Variants in SLC25A21 observed in about 807,000 individuals in gnomAD.
SLC25A21 encodes the protein solute carrier family 25 member 21.
SLC25A21 carries 47 observed loss-of-function variants against 43.8 expected under a neutral mutation model. The ratio of observed to expected loss-of-function variants is 1.07; its 90% confidence interval spans 0.85 to 1.37. SLC25A21 has a LOEUF of 1.37. Among genes scored for constraint, SLC25A21 ranks in the 40% most tolerant of loss-of-function variants. The probability of loss-of-function intolerance (pLI) is 0.00; values close to 1 mark genes in which losing one functional copy is unlikely to be tolerated. For missense variants in SLC25A21, 352 were observed against 350.2 expected (o/e 1.00, Z -0.04); for synonymous variants, 131 against 121.3 (o/e 1.08, Z -0.52).
intron 3 of SLC25A21, among the ~76,000 whole-genome samples, chr14:36,780,220 C>T (rs573197310): frequency 1.4e-4 from 21 of 151,836 alleles, no homozygotes; most frequent in African/African-American, 5.1e-4. Flanking sequence ...TTTGAGTCAT[C>T]TCTTATTTTT....
intron 1 of SLC25A21, among the ~76,000 whole-genome samples, chr14:36,999,835 T>C (rs1437071406): frequency 1.3e-5 from 2 of 152,136 alleles, no homozygotes; most frequent in Non-Finnish European, 2.9e-5. Flanking sequence ...GAGTGAGCCA[T>C]TATTTACAAT....
At chr14:36,739,157 C>A (rs968002348) in intron 3 of SLC25A21, among the ~76,000 whole-genome samples, 1 of 152,108 alleles carries the variant, frequency 6.6e-6, no homozygotes, top group Admixed American at 6.5e-5. Flanking sequence ...TAGAAGGAAG[C>A]AGGAAAGGCC....
At chr14:36,716,941 T>C (rs1204470400) in intron 6 of SLC25A21, among the ~76,000 whole-genome samples, 1 of 152,228 alleles carries the variant, frequency 6.6e-6, no homozygotes, top group Non-Finnish European at 1.5e-5. Context: ...GTGAACGGGT[T>C]GCATTTGAAA....
intron 1 of SLC25A21, among the ~76,000 whole-genome samples, chr14:37,005,909 G>A (rs190653157): frequency 1.8e-4 from 28 of 152,146 alleles, no homozygotes; most frequent in Admixed American, 1.6e-3. Flanking sequence ...ATCCATTTGG[G>A]TAAATAACAA....
intron 7 of SLC25A21, among the ~76,000 whole-genome samples, chr14:36,708,790 C>T (rs1407152845): frequency 2.3e-5 from 3 of 131,806 alleles, no homozygotes; most frequent in South Asian, 2.4e-4. Context: ...TCACTATGTT[C>T]CCCAGGCCTG....
chr14:36,771,765 A>C (rs1886628743), intron 3 of SLC25A21, among the ~76,000 whole-genome samples: 2 of 152,126 alleles, frequency 1.3e-5, no homozygotes, highest in Non-Finnish European at 2.9e-5. Context: ...AAAAAAAAAA[A>C]AACTACTGTC....
rs1218736980 is a variant in SLC25A21, at chr14:37,172,461, G to T, written c.-111C>A. On this transcript the variant is annotated 5_prime_UTR_variant, in exon 1 of 10. Transcript: ENST00000331299. The stretch of plus-strand genomic sequence containing the variant: ...GGCTGGGCTGGTCCTCAAGCGCGTT[G>T]GCTCCCTGTGGAGCAGCAATCCGGC... 1 of 1,095,870 alleles carries T rather than the reference G, an allele frequency of 9.1e-7. No individual in the cohort carries two copies. The highest frequency in any genetic ancestry group is 2.6e-5 in the East Asian group (1 of 38,870). The allele number at this position is 1,095,870 out of a possible 1,614,324, so 67.9% of individuals were successfully genotyped here.
chr14:36,719,825 T>A (rs1468644468), intron 6 of SLC25A21, among the ~76,000 whole-genome samples: 2 of 152,204 alleles, frequency 1.3e-5, no homozygotes, highest in African/African-American at 4.8e-5. Context: ...ATTTTGTGGG[T>A]AACATACTTC....
intron 2 of SLC25A21, among the ~76,000 whole-genome samples, chr14:36,872,398 G>A (rs748194507): frequency 6.6e-6 from 1 of 151,824 alleles, no homozygotes. Flanking sequence ...CTATTCCCTG[G>A]GTATGAATTT....
chr14:36,938,652 T>A (rs1892484530), intron 1 of SLC25A21, among the ~76,000 whole-genome samples: 1 of 152,044 alleles, frequency 6.6e-6, no homozygotes. Flanking sequence ...AATCTGATCA[T>A]CATGTTCACA....
At position 37,172,534 on chromosome 14, in the gene SLC25A21, C is replaced by T. The variant is rs1307281385; in HGVS notation, c.-184G>A. On this transcript the variant is annotated 5_prime_UTR_variant, in exon 1 of 10. Coordinates refer to ENST00000331299, the MANE Select transcript of SLC25A21 (RefSeq NM_030631.4). Reference sequence around the variant, plus strand: ...GAGGCGCAGATTCGTCGCGCGATCTCCGGCGCGTCGGAACCTGTTCGCAGC... The same window carrying T: ...GAGGCGCAGATTCGTCGCGCGATCTTCGGCGCGTCGGAACCTGTTCGCAGC... 3.1e-5 allele frequency: 23 copies of T among 739,244 alleles called. No homozygotes were observed. The highest frequency in any genetic ancestry group is 4.3e-5 in the Non-Finnish European group (18 of 414,202). 45.8% of individuals were successfully genotyped at this position (739,244 alleles called of 1,614,324 possible).
chr14:36,721,701 C>G (rs1261544888), intron 6 of SLC25A21, among the ~76,000 whole-genome samples: 1 of 152,140 alleles, frequency 6.6e-6, no homozygotes, highest in Non-Finnish European at 1.5e-5. Context: ...ATCATGGCAC[C>G]TGAATTATGC....
chr14:36,755,444 A>T (rs1012863418), intron 3 of SLC25A21, among the ~76,000 whole-genome samples: 1 of 152,146 alleles, frequency 6.6e-6, no homozygotes, highest in African/African-American at 2.4e-5. Flanking sequence ...TTTTTCCTTC[A>T]TCCCTGTCAG....
At chr14:36,809,062 T>C (rs1205316145) in intron 3 of SLC25A21, 1 of 152,096 alleles carries the variant, frequency 6.6e-6, no homozygotes, top group Non-Finnish European at 1.5e-5. Flanking sequence ...AAAGGGGAAG[T>C]GAGGCGTGAT....
chr14:36,950,697 T>G (rs977344298), intron 1 of SLC25A21, among the ~76,000 whole-genome samples: 5 of 152,210 alleles, frequency 3.3e-5, no homozygotes, highest in Admixed American at 1.3e-4. Context: ...GAATTTGCAT[T>G]CTAGTTCAAG....
At chr14:36,945,114 C>T (rs1892649231) in intron 1 of SLC25A21, among the ~76,000 whole-genome samples, 1 of 152,122 alleles carries the variant, frequency 6.6e-6, no homozygotes, top group African/African-American at 2.4e-5. Context: ...TTCTTCAGGA[C>T]TACCTGTGAG....
At chr14:36,708,345 T>G (rs756977067) in intron 7 of SLC25A21, among the ~76,000 whole-genome samples, 8 of 152,258 alleles carry the variant, frequency 5.3e-5, no homozygotes, top group African/African-American at 1.2e-4. Context: ...TAGTATAATC[T>G]AGATGTGGGA....
chr14:37,097,622 C>T (rs1323582383), intron 1 of SLC25A21, among the ~76,000 whole-genome samples: 1 of 151,990 alleles, frequency 6.6e-6, no homozygotes, highest in Admixed American at 6.6e-5. Context: ...GTGGCTCACA[C>T]CTGTAATCCC....
At chr14:37,119,175 GAGA>G (rs753586870) in intron 1 of SLC25A21, among the ~76,000 whole-genome samples, 2 of 152,302 alleles carry the variant, frequency 1.3e-5, no homozygotes, top group East Asian at 3.9e-4. Context: ...GTCGAAAAAG[GAGA>G]AGAAGCCTCA....
Sources: gnomAD v4.1 joint callset for allele counts (sites outside exome capture counted in the v4.1 genomes callset) on GRCh38, gnomAD v4.1.1 for gene constraint, MANE v1.5 for transcripts, NCBI Gene and HGNC (gene_info 2026-07-23, HGNC 2026-07-21) for gene names.